The following KRABD2 variants were observed in gnomAD, a reference collection of about 807,000 sequenced individuals.
The protein encoded by KRABD2 is KRAB domain-containing protein 2.
chr17:8,370,481 AT>A, the KRABD2 span: 2 of 808,366 alleles, frequency 2.5e-6, no homozygotes, highest in Non-Finnish European at 3.8e-6. Flanking sequence ...CTTTCATCTA[AT>A]TTTTGAAGAT....
At chr17:8,374,114 G>A in the KRABD2 span, among the ~76,000 whole-genome samples, 4 of 152,248 alleles carry the variant, frequency 2.6e-5, no homozygotes, top group Non-Finnish European at 5.9e-5. Context: ...CCGCCACCCC[G>A]TCTGGGAGGT....
the KRABD2 span, chr17:8,376,582 G>A: frequency 1.0e-6 from 1 of 986,474 alleles, no homozygotes; most frequent in Non-Finnish European, 1.2e-6. Context: ...GGGCTGAACG[G>A]CTGAGGCGGG....
the KRABD2 span, among the ~76,000 whole-genome samples, chr17:8,360,173 A>G: frequency 1.3e-5 from 2 of 152,216 alleles, no homozygotes; most frequent in Non-Finnish European, 2.9e-5. Flanking sequence ...TAGCAATTCA[A>G]ATTACATAGA....
At chr17:8,371,684 G>A in the KRABD2 span, 5 of 1,396,864 alleles carry the variant, frequency 3.6e-6, no homozygotes, top group Middle Eastern at 2.6e-4. Context: ...CAGTTTTGAC[G>A]CTGCCAGAGC....
chr17:8,365,240 G>C, the KRABD2 span, among the ~76,000 whole-genome samples: 2 of 152,076 alleles, frequency 1.3e-5, no homozygotes, highest in African/African-American at 4.8e-5. Context: ...TGGAAACCCA[G>C]GCATCTCTGG....
At chr17:8,374,628 T>TAAAAA in the KRABD2 span, among the ~76,000 whole-genome samples, 3 of 71,430 alleles carry the variant, frequency 4.2e-5, no homozygotes, top group Admixed American at 1.6e-4. Context: ...CAATAAATAC[T>TAAAAA]AAAAAAAAAA....
the KRABD2 span, among the ~76,000 whole-genome samples, chr17:8,361,647 TC>T: frequency 1.3e-5 from 2 of 152,164 alleles, no homozygotes; most frequent in East Asian, 3.9e-4. Context: ...AGCCTTGACC[TC>T]CTGGGCTCAA....
At chr17:8,365,035 G>GA in the KRABD2 span, among the ~76,000 whole-genome samples, 18 of 148,542 alleles carry the variant, frequency 1.2e-4, no homozygotes, top group Admixed American at 2.0e-4. Flanking sequence ...ACTCTGTTTA[G>GA]AAAAAAAAAA....
the KRABD2 span, chr17:8,370,512 A>T: frequency 1.5e-6 from 1 of 663,742 alleles, no homozygotes; most frequent in Non-Finnish European, 2.5e-6. Context: ...GAAGAATGAT[A>T]ATAGAATAAT....
At chr17:8,367,113 C>T in the KRABD2 span, 1 of 152,140 alleles carries the variant, frequency 6.6e-6, no homozygotes, top group Non-Finnish European at 1.5e-5. Context: ...TAGGGCAGTC[C>T]CACCAGCTTT....
the KRABD2 span, among the ~76,000 whole-genome samples, chr17:8,361,161 A>G: frequency 1.3e-5 from 2 of 152,232 alleles, no homozygotes; most frequent in African/African-American, 4.8e-5. Context: ...AATAGAGAAC[A>G]TTCACAAAAG....
At chr17:8,363,858 TA>T in the KRABD2 span, among the ~76,000 whole-genome samples, 705 of 57,014 alleles carry the variant, frequency 0.012, 4 homozygotes, top group Non-Finnish European at 0.022. Flanking sequence ...TATATATATA[TA>T]TATTTATTTA....
the KRABD2 span, chr17:8,376,146 T>G: frequency 3.0e-4 from 375 of 1,231,574 alleles, no homozygotes; most frequent in Non-Finnish European, 3.5e-4. Context: ...CTGTACCCCC[T>G]TTGGAGGGCC....
At chr17:8,369,219 G>T in the KRABD2 span, 4 of 1,614,186 alleles carry the variant, frequency 2.5e-6, no homozygotes, top group Non-Finnish European at 3.4e-6. Context: ...GTCCATATCA[G>T]ATCTGTCTGC....
At chr17:8,363,859 A>ATATT in the KRABD2 span, among the ~76,000 whole-genome samples, 472 of 74,936 alleles carry the variant, frequency 6.3e-3, 7 homozygotes, top group South Asian at 0.012. Context: ...ATATATATAT[A>ATATT]TATTTATTTA....
the KRABD2 span, chr17:8,375,860 T>C: frequency 2.0e-5 from 24 of 1,220,406 alleles, no homozygotes; most frequent in Admixed American, 1.3e-4. Flanking sequence ...CAGAGAAAAC[T>C]GGAAATATTT....
At chr17:8,375,810 G>T in the KRABD2 span, 2 of 891,976 alleles carry the variant, frequency 2.2e-6, no homozygotes, top group Non-Finnish European at 2.9e-6. Flanking sequence ...TCAGCTTCTT[G>T]GTGTGATCTA....
the KRABD2 span, chr17:8,373,822 T>C: frequency 0.42 from 62,581 of 149,708 alleles, 13,230 homozygotes; most frequent in Admixed American, 0.53. Context: ...TGCCCGGCCG[T>C]GACCCCGTCT....
the KRABD2 span, among the ~76,000 whole-genome samples, chr17:8,363,359 A>AT: frequency 7.3e-5 from 11 of 150,672 alleles, no homozygotes; most frequent in South Asian, 2.1e-4. Flanking sequence ...TTAGAAAACA[A>AT]TTTTTTTTTT....
Sources: allele counts gnomAD v4.1 joint callset (sites outside exome capture counted in the v4.1 genomes callset), GRCh38; gene constraint gnomAD v4.1.1; transcripts MANE v1.5; gene names NCBI Gene and HGNC (gene_info 2026-07-23, HGNC 2026-07-21).